Variants in DIP2B observed in about 807,000 individuals in gnomAD.
DIP2B encodes disco-interacting protein 2 homolog B.
Under a neutral mutation model 198.0 loss-of-function variants are expected in DIP2B, and 76 were observed. That is an observed-to-expected ratio of 0.38 (90% CI 0.32 to 0.46). The LOEUF (loss-of-function observed/expected upper bound fraction) is 0.46, where lower values mean the gene tolerates loss of function less well. Among genes scored for constraint, DIP2B ranks in the 20% least tolerant of loss-of-function variants. DIP2B has a pLI of 0.99. For synonymous variants in DIP2B, 701 were observed against 739.1 expected, an observed-to-expected ratio of 0.95 and a Z score of 0.84; for missense variants, 1,559 against 1,978.4, an observed-to-expected ratio of 0.79 and a Z score of 4.02.
chr12:50,682,731 G>A (rs913819919), intron 9 of DIP2B, among the ~76,000 whole-genome samples: 5 of 151,476 alleles, frequency 3.3e-5, no homozygotes, highest in African/African-American at 1.2e-4. Flanking sequence ...AGAGATGTAA[G>A]GCTTATTCTT....
At chr12:50,606,479 A>G (rs964007075) in intron 1 of DIP2B, among the ~76,000 whole-genome samples, 24 of 152,334 alleles carry the variant, frequency 1.6e-4, no homozygotes, top group African/African-American at 5.5e-4. Context: ...TTATTTATCC[A>G]TTCATCAGTT....
At chr12:50,648,704 C>A (rs976333310) in intron 3 of DIP2B, among the ~76,000 whole-genome samples, 8 of 82,034 alleles carry the variant, frequency 9.8e-5, no homozygotes, top group African/African-American at 2.9e-4. Context: ...TCTTCCCCCC[C>A]CCCTCCTTAC....
intron 1 of DIP2B, among the ~76,000 whole-genome samples, chr12:50,600,392 G>T (rs12307085): frequency 6.6e-6 from 1 of 152,134 alleles, no homozygotes; most frequent in African/African-American, 2.4e-5. Flanking sequence ...TTGTTGTAGC[G>T]TGCATAAATG....
intron 19 of DIP2B, among the ~76,000 whole-genome samples, chr12:50,700,844 ATAC>A (rs1939404766): frequency 2.6e-5 from 4 of 152,162 alleles, no homozygotes; most frequent in Non-Finnish European, 5.9e-5. Flanking sequence ...TTGAGTGTAT[ATAC>A]ATTTAACTAA....
chr12:50,630,851 A>G (rs1432946985), intron 2 of DIP2B, among the ~76,000 whole-genome samples: 1 of 151,506 alleles, frequency 6.6e-6, no homozygotes, highest in African/African-American at 2.4e-5. Context: ...TTGTAGTTTT[A>G]GTAGAGACAG....
At chr12:50,675,197 T>G in intron 6 of DIP2B, 132 bp from the exon 7 acceptor site, 1 of 1,046,158 alleles carries the variant, frequency 9.6e-7, no homozygotes, top group Non-Finnish European at 1.4e-6. Flanking sequence ...TGTACATATT[T>G]GGTCCACTTG....
At chr12:50,662,475 T>C (rs17124862) in intron 4 of DIP2B, among the ~76,000 whole-genome samples, 1 of 152,334 alleles carries the variant, frequency 6.6e-6, no homozygotes, top group Admixed American at 6.5e-5. Context: ...AGAACTCTTA[T>C]CATAAGGCTT....
Position 50,718,781 on chromosome 12 carries a change from A to T in DIP2B, c.2924A>T (p.Asp975Val). ...GKRIAQAAGR[D>V]LGQIEENDLV... ...CGTATAGCACAAGCTGCTGGAAGGG[A>T]TCTGGGACAAATAGAAGAGAATGAT... Residue 975 changes from aspartate to valine, a missense_variant, in exon 24 of 38, where the codon GAT becomes GTT. Coordinates refer to ENST00000301180, the MANE Select transcript of DIP2B (RefSeq NM_173602.3). 1.9e-6 allele frequency: 3 copies of T among 1,614,204 alleles called. No homozygotes were observed. In the South Asian group the frequency reaches 3.3e-5, roughly 18 times the overall value.
intron 1 of DIP2B, among the ~76,000 whole-genome samples, chr12:50,554,361 A>G (rs1221772540): frequency 6.6e-6 from 1 of 152,196 alleles, no homozygotes; most frequent in Non-Finnish European, 1.5e-5. Flanking sequence ...TGATAGCTAA[A>G]TCATGTGGTA....
chr12:50,721,153 C>T, intron 25 of DIP2B, 120 bp from the exon 26 acceptor site: 2 of 1,407,432 alleles, frequency 1.4e-6, no homozygotes, highest in Non-Finnish European at 1.9e-6. Context: ...GAATTGATAA[C>T]TTGCTAAGGA....
chr12:50,586,851 G>C (rs1958775583), intron 1 of DIP2B, among the ~76,000 whole-genome samples: 1 of 152,210 alleles, frequency 6.6e-6, no homozygotes, highest in African/African-American at 2.4e-5. Flanking sequence ...GGGATTACAG[G>C]CGTGAGCCAC....
In DIP2B at chr12:50,721,268, T is replaced by C. The variant is rs755399924; in HGVS notation, c.3043-5T>C. 1 of 1,613,462 alleles carries C rather than the reference T, an allele frequency of 6.2e-7. No homozygotes were observed. Among genetic ancestry groups the C allele is most frequent in the South Asian group, 1.1e-5 (1 of 90,976 alleles). The stretch of plus-strand genomic sequence containing the variant: ...TGACCCGCTTATCCTTTCTGTTGTT[T>C]AAAGGGAACCACTGTATGCACAGCC... On this transcript the variant is annotated splice_region_variant and splice_polypyrimidine_tract_variant and intron_variant, in intron 25 of 37. Transcript: ENST00000301180.
intron 1 of DIP2B, among the ~76,000 whole-genome samples, chr12:50,596,350 A>G (rs926594142): frequency 6.6e-6 from 1 of 152,200 alleles, no homozygotes; most frequent in African/African-American, 2.4e-5. Context: ...CAGATTAACA[A>G]AAGAACAGGT....
At chr12:50,744,541 C>A (rs1315397314) in intron 37 of DIP2B, 46 bp from the exon 38 acceptor site, 1 of 1,605,150 alleles carries the variant, frequency 6.2e-7, no homozygotes, top group East Asian at 2.2e-5. Flanking sequence ...TAAAAGATAA[C>A]TGAAAAATGT....
At chr12:50,645,311 T>C (rs1258269959) in intron 3 of DIP2B, among the ~76,000 whole-genome samples, 1 of 152,200 alleles carries the variant, frequency 6.6e-6, no homozygotes, top group Non-Finnish European at 1.5e-5. Flanking sequence ...TGCACAAAGA[T>C]ATATACATAC....
intron 19 of DIP2B, among the ~76,000 whole-genome samples, chr12:50,700,529 A>G (rs1333519906): frequency 3.9e-5 from 6 of 152,228 alleles, no homozygotes; most frequent in Admixed American, 1.3e-4. Flanking sequence ...GTGATTACAT[A>G]CTAACAGATG....
At chr12:50,519,408 T>G (rs1401969840) in intron 1 of DIP2B, among the ~76,000 whole-genome samples, 3 of 152,108 alleles carry the variant, frequency 2.0e-5, no homozygotes, top group African/African-American at 7.2e-5. Flanking sequence ...GCCTCTTTTA[T>G]TTTTTTTAAA....
intron 3 of DIP2B, among the ~76,000 whole-genome samples, chr12:50,646,607 A>C (rs991000564): frequency 6.6e-6 from 1 of 152,150 alleles, no homozygotes; most frequent in Non-Finnish European, 1.5e-5. Context: ...TTTTTAATAA[A>C]GATGAGGTTT....
intron 1 of DIP2B, among the ~76,000 whole-genome samples, chr12:50,585,170 A>G (rs1023984794): frequency 6.6e-6 from 1 of 152,196 alleles, no homozygotes; most frequent in Non-Finnish European, 1.5e-5. Flanking sequence ...CACCCTTCCC[A>G]AAGTAGTGAC....
Sources: gnomAD v4.1 joint callset for allele counts (sites outside exome capture counted in the v4.1 genomes callset) on GRCh38, gnomAD v4.1.1 for gene constraint, MANE v1.5 for transcripts, NCBI Gene and HGNC (gene_info 2026-07-23, HGNC 2026-07-21) for gene names.